CHMP2B: variants seen among roughly 807,000 people sequenced by gnomAD.
CHMP2B encodes the protein VPS2 homolog B.
Under a neutral mutation model 29.8 loss-of-function variants are expected in CHMP2B, and 22 were observed. The observed-to-expected ratio is 0.74, with a 90% CI of 0.53 to 1.05. The LOEUF is 1.05. Among genes scored for constraint, CHMP2B ranks in the 50% least tolerant of loss-of-function variants. The probability of loss-of-function intolerance (pLI) is 0.00; values close to 1 mark genes in which losing one functional copy is unlikely to be tolerated. For synonymous variants in CHMP2B, 78 were observed against 75.8 expected (o/e 1.03, Z -0.15); for missense variants, 261 against 252.2 (o/e 1.03, Z -0.24).
chr3:87,246,885 A>G (rs932987408), intron 3 of CHMP2B, among the ~76,000 whole-genome samples: 2 of 152,184 alleles, frequency 1.3e-5, no homozygotes, highest in African/African-American at 4.8e-5. Context: ...CCTACCCACT[A>G]TATATCAGTC....
At chr3:87,238,821 C>T (rs1456789580) in intron 1 of CHMP2B, among the ~76,000 whole-genome samples, 1 of 152,114 alleles carries the variant, frequency 6.6e-6, no homozygotes, top group Non-Finnish European at 1.5e-5. Context: ...AGTGGAATTA[C>T]TAGGTCATAC....
chr3:87,233,123 C>T (rs1355916169), intron 1 of CHMP2B, among the ~76,000 whole-genome samples: 4 of 152,088 alleles, frequency 2.6e-5, no homozygotes, highest in Non-Finnish European at 5.9e-5. Flanking sequence ...GCTCTCTTGA[C>T]GATGTCTAGG....
chr3:87,229,415 A>C (rs1450147489), intron 1 of CHMP2B, among the ~76,000 whole-genome samples: 1 of 152,188 alleles, frequency 6.6e-6, no homozygotes, highest in Non-Finnish European at 1.5e-5. Flanking sequence ...CAGCAGGTAC[A>C]TTTACTATAA....
chr3:87,243,828 C>A (rs1047000401), intron 2 of CHMP2B, among the ~76,000 whole-genome samples: 2 of 151,400 alleles, frequency 1.3e-5, no homozygotes, highest in African/African-American at 4.9e-5. Flanking sequence ...AGAAGTGATG[C>A]CCTTCTTTGC....
chr3:87,237,926 A>G (rs1706043620), intron 1 of CHMP2B, among the ~76,000 whole-genome samples: 1 of 152,158 alleles, frequency 6.6e-6, no homozygotes, highest in Non-Finnish European at 1.5e-5. Context: ...ATGGTTTCAT[A>G]TTCCTGTATT....
At chr3:87,249,271 A>G (rs1020501306) in intron 3 of CHMP2B, among the ~76,000 whole-genome samples, 1 of 152,206 alleles carries the variant, frequency 6.6e-6, no homozygotes, top group Admixed American at 6.5e-5. Context: ...GTAATTAACC[A>G]AAATGTAAGC....
At chr3:87,244,840 G>A (rs566642474) in intron 2 of CHMP2B, among the ~76,000 whole-genome samples, 1 of 152,114 alleles carries the variant, frequency 6.6e-6, no homozygotes, top group Non-Finnish European at 1.5e-5. Flanking sequence ...ATTGGTGATA[G>A]TGTTTTTTAA....
intron 1 of CHMP2B, among the ~76,000 whole-genome samples, chr3:87,239,581 T>G (rs1706076783): frequency 6.6e-6 from 1 of 152,130 alleles, no homozygotes; most frequent in African/African-American, 2.4e-5. Flanking sequence ...GTAGTTAAGA[T>G]CACTGGTTCA....
At chr3:87,234,631 A>G (rs1705965744) in intron 1 of CHMP2B, among the ~76,000 whole-genome samples, 1 of 152,148 alleles carries the variant, frequency 6.6e-6, no homozygotes, top group African/African-American at 2.4e-5. Context: ...TACCTTTGGC[A>G]TTTTTACAGT....
intron 2 of CHMP2B, among the ~76,000 whole-genome samples, chr3:87,242,776 T>C (rs1276270239): frequency 6.6e-6 from 1 of 152,172 alleles, no homozygotes; most frequent in Non-Finnish European, 1.5e-5. Context: ...CTTTCTGGGC[T>C]CTGTTCCATT....
Position 87,245,738 on chromosome 3 carries a change from A to T in CHMP2B, c.151A>T (p.Lys51Ter). 6.2e-7 allele frequency: 1 copy of T among 1,613,666 alleles called. No individual in the cohort carries two copies. The highest frequency in any genetic ancestry group is 8.5e-7 in the Non-Finnish European group (1 of 1,179,814). The change falls in exon 3 of 6, where the codon AAG (lysine) becomes TAG (stop). Residue 51 changes from lysine to a stop codon, truncating the protein, a stop_gained. Transcript: ENST00000263780. LOFTEE classifies it high-confidence loss of function. ...QLELEIKKMA[K>*]IGNKEACKVL... ...GGAATTAGAAATTAAGAAAATGGCC[A>T]AGATTGGTAATAAGGAAGCTTGCAA...
intron 1 of CHMP2B, among the ~76,000 whole-genome samples, chr3:87,238,368 G>C (rs1345841947): frequency 1.3e-5 from 2 of 151,914 alleles, no homozygotes; most frequent in African/African-American, 2.4e-5. Context: ...CCATTAAGCA[G>C]TTCACAATGG....
chr3:87,251,385 G>T (rs1706311179), intron 4 of CHMP2B, among the ~76,000 whole-genome samples: 1 of 151,914 alleles, frequency 6.6e-6, no homozygotes, highest in African/African-American at 2.4e-5. Flanking sequence ...CAATGCCAGT[G>T]ATGGCAGTTC....
intron 1 of CHMP2B, among the ~76,000 whole-genome samples, chr3:87,235,461 C>A (rs72924012): frequency 6.6e-6 from 1 of 151,946 alleles, no homozygotes; most frequent in African/African-American, 2.4e-5. Context: ...TAACATTAGC[C>A]GCTCTGAGTT....
intron 4 of CHMP2B, among the ~76,000 whole-genome samples, chr3:87,251,471 A>T (rs952357830): frequency 1.3e-5 from 2 of 152,002 alleles, no homozygotes; most frequent in African/African-American, 2.4e-5. Flanking sequence ...GATATCTATA[A>T]TACCTACTGC....
chr3:87,230,293 A>G (rs1216876983), intron 1 of CHMP2B, among the ~76,000 whole-genome samples: 2 of 152,200 alleles, frequency 1.3e-5, no homozygotes, highest in Admixed American at 6.5e-5. Context: ...TGTGCTAAGC[A>G]TTGTGCATGC....
chr3:87,245,723 A>G lies in CHMP2B; in HGVS notation c.136A>G (p.Ile46Val). The G allele has an allele frequency of 6.2e-7, 1 of 1,613,082 alleles. No individual in the cohort carries two copies. Among genetic ancestry groups the G allele is most frequent in the Non-Finnish European group, 8.5e-7 (1 of 1,179,380 alleles). Residue 46 changes from isoleucine (I) to valine (V), a missense_variant, in exon 3 of 6, where the codon ATT becomes GTT. Coordinates refer to ENST00000263780, the MANE Select transcript of CHMP2B (RefSeq NM_014043.4). Reference sequence around the variant, plus strand: ...TTGTTTCTTCTCTTAGGAATTAGAAATTAAGAAAATGGCCAAGATTGGTAA... The same window carrying G: ...TTGTTTCTTCTCTTAGGAATTAGAAGTTAAGAAAATGGCCAAGATTGGTAA... ...EKQEKQLELE[I>V]KKMAKIGNKE... is the part of the protein sequence containing the mutation.
At position 87,254,774 on chromosome 3, in the gene CHMP2B, T is replaced by C. The variant is rs1706375412; in HGVS notation, c.*952T>C. The C allele has an allele frequency of 6.6e-6, 1 of 151,006 alleles. No homozygotes were observed. Among genetic ancestry groups the C allele is most frequent in the South Asian group, 2.1e-4 (1 of 4,820 alleles). 9.4% of individuals were successfully genotyped at this position (151,006 alleles called of 1,614,324 possible). ...ATTATATGAATTATAATTTAAACTGTTTAATTTTGTTTAATGTGTATATTG... is the reference window on the plus strand; with the variant it reads ...ATTATATGAATTATAATTTAAACTGCTTAATTTTGTTTAATGTGTATATTG... On this transcript the variant is annotated 3_prime_UTR_variant, in exon 6 of 6. Coordinates refer to ENST00000263780, the MANE Select transcript of CHMP2B (RefSeq NM_014043.4).
In CHMP2B at chr3:87,240,941, C is replaced by G. The variant is rs1706107119; in HGVS notation, c.126+151C>G. ...CAGTTAATGATTTTTGTATCTTCTG[C>G]TTACCTTTGTTTATTGTGTCATTCT... is the stretch of plus-strand genomic sequence containing the variant. On this transcript the variant is annotated intron_variant, in intron 2 of 5. Coordinates refer to ENST00000263780, the MANE Select transcript of CHMP2B (RefSeq NM_014043.4). The G allele has an allele frequency of 7.4e-6, 5 of 672,596 alleles. No individual in the cohort carries two copies. The Admixed American group carries it at 1.1e-4, about 15-fold the overall frequency. The allele number at this position is 672,596 out of a possible 1,614,324, so 41.7% of individuals were successfully genotyped here. A position where few individuals can be genotyped will look rare whatever the true frequency, so the allele number is the denominator to read the frequency against.
Sources: allele counts gnomAD v4.1 joint callset (sites outside exome capture counted in the v4.1 genomes callset), GRCh38; gene constraint gnomAD v4.1.1; transcripts MANE v1.5; gene names NCBI Gene and HGNC (gene_info 2026-07-23, HGNC 2026-07-21).